The following AP5Z1 variants were observed in gnomAD, a reference collection of about 807,000 sequenced individuals.
AP5Z1 encodes adaptor related protein complex 5 subunit zeta 1, also known as AP-5 complex subunit zeta-1.
In AP5Z1, 106 loss-of-function variants were observed where a neutral mutation model predicts 83.0. The observed-to-expected ratio is 1.28, with a 90% CI of 1.09 to 1.50. The LOEUF (loss-of-function observed/expected upper bound fraction) is 1.50. AP5Z1 is among the 40% of genes most tolerant of loss of function. The pLI, the probability that AP5Z1 is intolerant of heterozygous loss-of-function variation, is 0.00. For missense variants in AP5Z1, 1,565 were observed against 1,094.2 expected, an observed-to-expected ratio of 1.43 and a Z score of -6.07; for synonymous variants, 751 against 514.1, an observed-to-expected ratio of 1.46 and a Z score of -6.23.
chr7:4,787,054 G>A (rs1301597832), intron 10 of AP5Z1, among the ~76,000 whole-genome samples: 1 of 151,896 alleles, frequency 6.6e-6, no homozygotes, highest in South Asian at 2.1e-4. Flanking sequence ...TTACAGGCAT[G>A]AGCCACCGCA....
intron 7 of AP5Z1, 116 bp downstream of exon 7, chr7:4,785,164 G>A (rs1274531431): frequency 6.8e-7 from 1 of 1,472,124 alleles, no homozygotes; most frequent in Admixed American, 2.3e-5. Flanking sequence ...GGGTCCCTGG[G>A]TAGCCGGTTT....
In AP5Z1 at chr7:4,792,358, G is replaced by A. The variant is rs1197890097; in HGVS notation, c.*973G>A. The stretch of plus-strand genomic sequence containing the variant: ...CGGTCTCCTCTTTTGCTCTGGCCCC[G>A]CCCACCTCCCCTCCGGCCTCGGCCC... On this transcript the variant is annotated 3_prime_UTR_variant, in exon 17 of 17. Coordinates refer to ENST00000649063, the MANE Select transcript of AP5Z1 (RefSeq NM_014855.3). The A allele has an allele frequency of 9.9e-5, 4 of 40,396 alleles. No individual in the cohort carries two copies. Among genetic ancestry groups the A allele is most frequent in the Admixed American group, 2.4e-4 (1 of 4,242 alleles). The allele number at this position is 40,396 out of a possible 1,614,324, so 2.5% of individuals were successfully genotyped here.
chr7:4,786,141 C>A, intron 9 of AP5Z1, 109 bp from the exon 10 acceptor site: 2 of 1,192,174 alleles, frequency 1.7e-6, no homozygotes, highest in Non-Finnish European at 2.3e-6. Context: ...CGCCTCGGAG[C>A]CCTTGGTGTC....
At chr7:4,780,531 G>A (rs180727701) in intron 1 of AP5Z1, among the ~76,000 whole-genome samples, 6 of 152,100 alleles carry the variant, frequency 3.9e-5, no homozygotes, top group East Asian at 1.9e-4. Context: ...TTGGGAGGCC[G>A]AGGTGGGCAG....
At chr7:4,790,399 TGGATGG>T in intron 14 of AP5Z1, 54 bp from the exon 15 acceptor site, 2 of 1,610,866 alleles carry the variant, frequency 1.2e-6, no homozygotes, top group Non-Finnish European at 1.7e-6. Flanking sequence ...GCCCTTGGCC[TGGATGG>T]GGATGGGGTC....
chr7:4,779,043 TATAG>T (rs564736030), intron 1 of AP5Z1, among the ~76,000 whole-genome samples: 4,977 of 145,284 alleles, frequency 0.034, 108 homozygotes, highest in Middle Eastern at 0.094. Context: ...AAAATATATA[TATAG>T]ATAGATAGAT....
Position 4,781,656 on chromosome 7 carries a change from C to G in AP5Z1, c.268C>G (p.Leu90Val), listed in dbSNP as rs761542402. Residue 90 changes from leucine to valine, a missense_variant, in exon 3 of 17, where the codon CTG becomes GTG. By Grantham distance (32) the Leu-to-Val change is conservative (BLOSUM62 1). Coordinates refer to ENST00000649063, the MANE Select transcript of AP5Z1 (RefSeq NM_014855.3). ...GCTCCAGGTGCTTTGCGCCGCCATC[C>G]TGCGAGAGATGTCCCCCTCTGACAG... is the stretch of plus-strand genomic sequence containing the variant. ...EQLQVLCAAI[L>V]REMSPSDSLS... is the part of the protein sequence containing the mutation. The G allele has an allele frequency of 1.2e-6, 2 of 1,605,546 alleles. No homozygotes were observed. The highest frequency in any genetic ancestry group is 2.7e-5 in the African/African-American group (2 of 74,812).
rs1025010572 is a variant in AP5Z1 at position 4,793,287 on chromosome 7, T to G, written c.*1902T>G. The G allele has an allele frequency of 1.2e-4, 18 of 152,270 alleles. No homozygotes were observed. The highest frequency in any genetic ancestry group is 4.3e-4 in the African/African-American group (18 of 41,474). 9.4% of individuals were successfully genotyped at this position (152,270 alleles called of 1,614,324 possible). A position where few individuals can be genotyped will look rare whatever the true frequency, so the allele number is the denominator to read the frequency against. On this transcript the variant is annotated 3_prime_UTR_variant, in exon 17 of 17. Transcript: ENST00000649063. ...TTTTAAATAAACTGAAATTTTAGAA[T>G]AGTTTTTCAGATTTACAGAAAAGAT...
intron 2 of AP5Z1, 61 bp downstream of exon 2, chr7:4,781,373 A>T: frequency 6.2e-7 from 1 of 1,606,786 alleles, no homozygotes. Flanking sequence ...AACCCAGCCC[A>T]CGCCCAGCAG....
At chr7:4,784,782 G>C in intron 6 of AP5Z1, 126 bp from the exon 7 acceptor site, 6 of 1,305,708 alleles carry the variant, frequency 4.6e-6, no homozygotes, top group Admixed American at 2.8e-5. Flanking sequence ...CTGAGACGGT[G>C]ACGCCTCACG....
Position 4,788,896 on chromosome 7 carries a change from A to G in AP5Z1, c.1652A>G (p.Gln551Arg), listed in dbSNP as rs1186869930. ...QPMAGCARVA[Q>R]CAQAVPTLLQ... ...ATGGCCGGCTGTGCCCGCGTGGCCC[A>G]GTGTGCCCAGGCCGTGCCCACGCTG... is the stretch of plus-strand genomic sequence containing the variant. Residue 551 changes from glutamine to arginine, a missense_variant, in exon 13 of 17, where the codon CAG (glutamine) becomes CGG (arginine). Coordinates refer to ENST00000649063, the MANE Select transcript of AP5Z1 (RefSeq NM_014855.3). 6.2e-7 allele frequency: 1 copy of G among 1,611,010 alleles called. No homozygotes were observed. Among genetic ancestry groups the G allele is most frequent in the African/African-American group, 1.3e-5 (1 of 74,878 alleles).
At chr7:4,779,662 C>T (rs1324797703) in intron 1 of AP5Z1, among the ~76,000 whole-genome samples, 2 of 150,988 alleles carry the variant, frequency 1.3e-5, no homozygotes, top group Admixed American at 6.6e-5. Flanking sequence ...GTTTTTGAGA[C>T]GGAGTTTTGC....
chr7:4,785,401 T>TC lies in AP5Z1; in HGVS notation c.932-10dup. 3 of 1,612,538 alleles carry TC rather than the reference T, an allele frequency of 1.9e-6. No homozygotes were observed. Among genetic ancestry groups the TC allele is most frequent in the Non-Finnish European group, 2.5e-6 (3 of 1,179,264 alleles). On this transcript the variant is annotated splice_polypyrimidine_tract_variant and intron_variant, in intron 7 of 16. Transcript: ENST00000649063. The stretch of plus-strand genomic sequence containing the variant: ...GCTGAGACAGAGCCGGCTGACTTTT[T>TC]CCCCTCCTTCCAGGAGCCCTGAGGA...
chr7:4,785,102 G>A, intron 7 of AP5Z1, 54 bp downstream of exon 7: 3 of 1,541,848 alleles, frequency 1.9e-6, no homozygotes, highest in Non-Finnish European at 2.6e-6. Context: ...CACCTGCTCT[G>A]CAAGGCCACC....
intron 3 of AP5Z1, 59 bp from the exon 4 acceptor site, chr7:4,783,257 G>T: frequency 6.6e-7 from 1 of 1,505,104 alleles, no homozygotes; most frequent in East Asian, 2.5e-5. Context: ...CTTCCGAAAT[G>T]GGGGAGCTGG....
rs1034906144 is a variant in AP5Z1 at position 4,790,342 on chromosome 7, G to A, written c.1806-117G>A. The A allele has an allele frequency of 4.5e-6, 7 of 1,563,438 alleles. No homozygotes were observed. In the Admixed American group the frequency reaches 9.6e-5, roughly 21 times the overall value. ...CAGTCTTCTGTGTTCCTCTATCGGA[G>A]GGTGCAGCATACACCTACCACTCAG... is the stretch of plus-strand genomic sequence containing the variant. On this transcript the variant is annotated intron_variant, in intron 14 of 16. Transcript: ENST00000649063.
rs1215880920 is a variant in AP5Z1, at chr7:4,785,064, A to C, written c.931+16A>C. 1.1e-5 allele frequency: 18 copies of C among 1,583,556 alleles called. No homozygotes were observed. The highest frequency in any genetic ancestry group is 1.5e-5 in the Non-Finnish European group (17 of 1,161,214). On this transcript the variant is annotated intron_variant, in intron 7 of 16. Transcript: ENST00000649063. ...AGTAACCGACGTGAGTCCCCCACCC[A>C]GGGCACTGGCCTCCCCAGGGCTCGA...
At chr7:4,784,459 G>T in intron 6 of AP5Z1, 88 bp downstream of exon 6, 1 of 1,443,852 alleles carries the variant, frequency 6.9e-7, no homozygotes. Context: ...CGGAGGTGGG[G>T]GGACTCGGGT....
At position 4,783,312 on chromosome 7, in the gene AP5Z1, G is replaced by C. The variant is rs2115106271; in HGVS notation, c.367-4G>C. 1 of 1,603,192 alleles carries C rather than the reference G, an allele frequency of 6.2e-7. No homozygotes were observed. Among genetic ancestry groups the C allele is most frequent in the South Asian group, 1.1e-5 (1 of 89,754 alleles). On this transcript the variant is annotated splice_region_variant and splice_polypyrimidine_tract_variant and intron_variant, in intron 3 of 16. Coordinates refer to ENST00000649063, the MANE Select transcript of AP5Z1 (RefSeq NM_014855.3). ...CCCCAGCGTTTGCCCTGTTTGATTT[G>C]AAGGGTGACAGAAACGAGGAGGTCA...
Sources: allele counts gnomAD v4.1 joint callset (sites outside exome capture counted in the v4.1 genomes callset), GRCh38; gene constraint gnomAD v4.1.1; transcripts MANE v1.5; gene names NCBI Gene and HGNC (gene_info 2026-07-23, HGNC 2026-07-21).